GADL1: variants seen among roughly 807,000 people sequenced by gnomAD.
GADL1 encodes the protein acidic amino acid decarboxylase GADL1.
In GADL1, 71 loss-of-function variants were observed where a neutral mutation model predicts 69.5. The ratio of observed to expected loss-of-function variants is 1.02; its 90% CI spans 0.84 to 1.25. The LOEUF is 1.25. Among genes scored for constraint, GADL1 ranks in the 50% most tolerant of loss-of-function variants. The probability of loss-of-function intolerance (pLI) is 0.00; values close to 1 mark genes in which losing one functional copy is unlikely to be tolerated. For synonymous variants in GADL1, 254 were observed against 214.4 expected (o/e 1.18, Z -1.62); for missense variants, 737 against 631.8 (o/e 1.17, Z -1.79).
rs562626857 is a variant in GADL1, at chr3:30,840,189, A to C, written c.787-1076T>G. On this transcript the variant is annotated intron_variant, in intron 8 of 14. Coordinates refer to ENST00000282538, the MANE Select transcript of GADL1 (RefSeq NM_207359.3). ...ATAAAGTGCATGCTCATTGCAATAC[A>C]TTTTTATGTCCTTTAATGCCAGGGA... Among the ~76,000 whole-genome samples, 13 of 152,212 alleles carry C rather than the reference A, an allele frequency of 8.5e-5. No homozygotes were observed. The South Asian group carries it at 2.5e-3, about 29-fold the overall frequency.
At chr3:30,774,674 T>C (rs1201488203) in intron 14 of GADL1, among the ~76,000 whole-genome samples, 2 of 152,200 alleles carry the variant, frequency 1.3e-5, no homozygotes, top group Non-Finnish European at 2.9e-5. Flanking sequence ...ATATTGTATA[T>C]AAAGTCTTAT....
At chr3:30,816,947 A>C (rs1697487567) in intron 11 of GADL1, among the ~76,000 whole-genome samples, 1 of 152,124 alleles carries the variant, frequency 6.6e-6, no homozygotes, top group Non-Finnish European at 1.5e-5. Context: ...TCCCATATCC[A>C]ATCACTTATA....
intron 11 of GADL1, among the ~76,000 whole-genome samples, chr3:30,811,326 TAG>T (rs1697351478): frequency 6.6e-6 from 1 of 152,208 alleles, no homozygotes; most frequent in South Asian, 2.1e-4. Context: ...CTCAGTTTCT[TAG>T]AGAATGTGTA....
At chr3:30,819,083 C>T (rs575211827) in intron 11 of GADL1, among the ~76,000 whole-genome samples, 3 of 152,000 alleles carry the variant, frequency 2.0e-5, no homozygotes, top group South Asian at 2.1e-4. Flanking sequence ...AACATATTGA[C>T]GTGGGAGATT....
chr3:30,827,506 C>G (rs1031688748), intron 11 of GADL1, among the ~76,000 whole-genome samples: 1 of 151,772 alleles, frequency 6.6e-6, no homozygotes, highest in Admixed American at 6.6e-5. Context: ...AATGGTAATA[C>G]CAACAAATCC....
chr3:30,753,720 A>G (rs1317190120), intron 14 of GADL1, among the ~76,000 whole-genome samples: 1 of 151,906 alleles, frequency 6.6e-6, no homozygotes, highest in Admixed American at 6.6e-5. Context: ...CAGTGGGCAC[A>G]AGTACAATAA....
Position 30,849,466 on chromosome 3 carries a change from C to T in GADL1, c.651+530G>A, listed in dbSNP as rs375763045. ...CAGGCAGCCTAACTCAAAGCCTATGCGCTTATCTACTGTCTGACCCACCTA... is the reference window on the plus strand; with the variant it reads ...CAGGCAGCCTAACTCAAAGCCTATGTGCTTATCTACTGTCTGACCCACCTA... On this transcript the variant is annotated intron_variant, in intron 6 of 14. Coordinates refer to ENST00000282538, the MANE Select transcript of GADL1 (RefSeq NM_207359.3). Among the ~76,000 whole-genome samples, 107 of 152,164 alleles carry T rather than the reference C, an allele frequency of 7.0e-4. 5 individuals are homozygous for T. The South Asian group carries it at 0.02, about 29-fold the overall frequency.
intron 13 of GADL1, among the ~76,000 whole-genome samples, chr3:30,780,933 G>C (rs894252618): frequency 1.3e-5 from 2 of 152,148 alleles, no homozygotes; most frequent in Non-Finnish European, 2.9e-5. Context: ...CTCTGCCTCT[G>C]TAGCTTGTAT....
intron 14 of GADL1, among the ~76,000 whole-genome samples, chr3:30,774,343 A>T (rs1204701150): frequency 2.0e-5 from 3 of 152,228 alleles, no homozygotes; most frequent in Non-Finnish European, 4.4e-5. Context: ...ATTCAAGCGC[A>T]GAACCTAACT....
intron 14 of GADL1, among the ~76,000 whole-genome samples, chr3:30,738,092 C>G (rs775068867): frequency 2.0e-5 from 3 of 152,180 alleles, no homozygotes; most frequent in Non-Finnish European, 4.4e-5. Flanking sequence ...AAAGCAAAAG[C>G]TTAATACCCA....
At chr3:30,823,385 G>C (rs1697624267) in intron 11 of GADL1, among the ~76,000 whole-genome samples, 1 of 151,924 alleles carries the variant, frequency 6.6e-6, no homozygotes, top group African/African-American at 2.4e-5. Context: ...TGTTATTAAG[G>C]CCAAGAAAGA....
At chr3:30,737,115 T>C (rs1487261153) in intron 14 of GADL1, among the ~76,000 whole-genome samples, 1 of 152,048 alleles carries the variant, frequency 6.6e-6, no homozygotes, top group Non-Finnish European at 1.5e-5. Flanking sequence ...CAGGCCCCAA[T>C]CAGAGCAGCT....
intron 14 of GADL1, among the ~76,000 whole-genome samples, chr3:30,730,701 A>G (rs1695442645): frequency 6.6e-6 from 1 of 152,188 alleles, no homozygotes; most frequent in Admixed American, 6.5e-5. Flanking sequence ...AAATTTAAAT[A>G]TAAAGATACA....
chr3:30,825,397 T>C (rs560347677), intron 11 of GADL1, among the ~76,000 whole-genome samples: 23 of 152,070 alleles, frequency 1.5e-4, no homozygotes, highest in Non-Finnish European at 2.9e-4. Context: ...AGAACACTTA[T>C]TCACATGGAC....
intron 2 of GADL1, among the ~76,000 whole-genome samples, chr3:30,860,092 C>T (rs190197821): frequency 3.9e-4 from 59 of 151,906 alleles, no homozygotes; most frequent in African/African-American, 1.3e-3. Context: ...TACCCTAACG[C>T]CAAACTTTCT....
intron 1 of GADL1, among the ~76,000 whole-genome samples, chr3:30,882,074 G>A (rs1460689489): frequency 6.6e-6 from 1 of 151,814 alleles, no homozygotes; most frequent in East Asian, 1.9e-4. Flanking sequence ...AATAGACTAA[G>A]ACAGTTTGAC....
At chr3:30,838,180 A>G (rs1276697468) in intron 9 of GADL1, among the ~76,000 whole-genome samples, 1 of 152,140 alleles carries the variant, frequency 6.6e-6, no homozygotes. Context: ...GAAAGCTCCC[A>G]AAACACCATG....
Position 30,850,871 on chromosome 3 carries a change from TA to T in GADL1, c.498del (p.Phe166LeufsTer23), listed in dbSNP as rs1184888172. 1 of 1,550,422 alleles carries T rather than the reference TA, an allele frequency of 6.4e-7. No individual in the cohort carries two copies. The highest frequency in any genetic ancestry group is 8.7e-7 in the Non-Finnish European group (1 of 1,146,010). On this transcript the variant is annotated frameshift_variant, in exon 5 of 15. Transcript: ENST00000282538. LOFTEE classifies it high-confidence loss of function. ...ATTCCATCCCCTTCTTTCCAGCCAA[TA>T]AATTCAATCATTTTCTTCAGAACCG... ...EEAVLKKMIEFIGWKEGDGIF... is the reference protein window; with the variant it reads ...EEAVLKKMIEXIGWKEGDGIF...
chr3:30,752,856 CTCAAAT>C (rs1559487566), intron 14 of GADL1, among the ~76,000 whole-genome samples: 15 of 96,950 alleles, frequency 1.5e-4, no homozygotes, highest in Non-Finnish European at 4.1e-4. Context: ...TAATTAAGTT[CTCAAAT>C]AACTAAAAGT....
Sources: allele counts gnomAD v4.1 joint callset (sites outside exome capture counted in the v4.1 genomes callset), GRCh38; gene constraint gnomAD v4.1.1; transcripts MANE v1.5; gene names NCBI Gene and HGNC (gene_info 2026-07-23, HGNC 2026-07-21).